ICE1: variants seen among roughly 807,000 people sequenced by gnomAD.
The protein encoded by ICE1 is little elongation complex subunit 1.
ICE1 carries 64 observed loss-of-function variants against 192.7 expected under a neutral mutation model. The ratio of observed to expected loss-of-function variants is 0.33; its 90% confidence interval spans 0.27 to 0.41. ICE1 has a LOEUF of 0.41. ICE1 is among the 10% of genes least tolerant of loss of function. ICE1 has a pLI of 1.00. For synonymous variants in ICE1, 1,010 were observed against 984.5 expected, an observed-to-expected ratio of 1.03 and a Z score of -0.49; for missense variants, 2,708 against 2,696.0, an observed-to-expected ratio of 1.00 and a Z score of -0.10.
chr5:5,464,178 A>G lies in ICE1; in HGVS notation c.4844A>G (p.Asp1615Gly), dbSNP rs1738900791. The G allele has an allele frequency of 6.2e-7, 1 of 1,613,642 alleles. No individual in the cohort carries two copies. The highest frequency in any genetic ancestry group is 8.5e-7 in the Non-Finnish European group (1 of 1,179,846). Residue 1615 changes from aspartate (D) to glycine (G), a missense_variant, in exon 13 of 19, where the codon GAT becomes GGT. Coordinates refer to ENST00000296564, the MANE Select transcript of ICE1 (RefSeq NM_015325.3). The surrounding 1 kb of genome is among the most constrained non-coding windows in gnomAD (Gnocchi z 4.0). ...AATGCTGATACATCCACTCCTACAG[A>G]TTGTTCTCCTGACACACTGAGTAAA... ...LANADTSTPT[D>G]CSPDTLSKIR... is the part of the protein sequence containing the mutation.
intron 10 of ICE1, among the ~76,000 whole-genome samples, chr5:5,448,436 G>T (rs149054639): frequency 6.6e-6 from 1 of 152,302 alleles, no homozygotes; most frequent in East Asian, 1.9e-4. Flanking sequence ...ACGTCTCATA[G>T]GTGAGAAGCA....
chr5:5,440,425 C>T (rs1397694847), intron 4 of ICE1, among the ~76,000 whole-genome samples: 2 of 152,108 alleles, frequency 1.3e-5, no homozygotes, highest in African/African-American at 4.8e-5. Context: ...TTGGAACAGC[C>T]GGATTCTCAG....
At chr5:5,425,298 TC>T (rs1737488062) in intron 1 of ICE1, among the ~76,000 whole-genome samples, 1 of 152,186 alleles carries the variant, frequency 6.6e-6, no homozygotes, top group African/African-American at 2.4e-5. Flanking sequence ...TAATCCTAGA[TC>T]CAGAGGTCTG....
intron 4 of ICE1, among the ~76,000 whole-genome samples, chr5:5,440,467 A>G (rs1014720595): frequency 6.6e-6 from 1 of 152,240 alleles, no homozygotes; most frequent in Admixed American, 6.5e-5. Flanking sequence ...ACTGTAAAGT[A>G]TTCTTCAGCA....
In ICE1 at chr5:5,465,311, T is replaced by A. The variant is rs553474560; in HGVS notation, c.5892+85T>A. 1.4e-5 allele frequency: 13 copies of A among 927,798 alleles called. No homozygotes were observed. The East Asian group carries it at 3.4e-4, about 25-fold the overall frequency. 57.5% of individuals were successfully genotyped at this position (927,798 alleles called of 1,614,324 possible). ...GTTTACTGTCAGCAAAATGTGTAGA[T>A]GACCATGAACAAAAGTTTTACTTCA... On this transcript the variant is annotated intron_variant, in intron 13 of 18. Transcript: ENST00000296564.
At chr5:5,455,770 T>C (rs1221314043) in intron 11 of ICE1, among the ~76,000 whole-genome samples, 1 of 152,176 alleles carries the variant, frequency 6.6e-6, no homozygotes, top group Non-Finnish European at 1.5e-5. Context: ...CCTTAGCAGA[T>C]TGCAGGATTT....
At chr5:5,450,776 A>G (rs904042098) in intron 10 of ICE1, among the ~76,000 whole-genome samples, 1 of 152,240 alleles carries the variant, frequency 6.6e-6, no homozygotes, top group Non-Finnish European at 1.5e-5. Context: ...AATGTTGATT[A>G]AAAGTATAGT....
At position 5,464,003 on chromosome 5, in the gene ICE1, A is replaced by G; in HGVS notation, c.4669A>G (p.Lys1557Glu). 1 of 1,613,780 alleles carries G rather than the reference A, an allele frequency of 6.2e-7. No individual in the cohort carries two copies. The highest frequency in any genetic ancestry group is 8.5e-7 in the Non-Finnish European group (1 of 1,179,840). The change falls in exon 13 of 19, where the codon AAG (lysine) becomes GAG (glutamate). Residue 1557 changes from lysine (K) to glutamate (E), a missense_variant. Physicochemically the swap from Lys to Glu is moderately conservative, Grantham distance 56. Around this residue, in one of 2 missense-constraint regions of ICE1, gnomAD observed 2,366 missense variants for 2,276.6 expected, o/e 1.04. Transcript: ENST00000296564. The surrounding 1 kb of genome is among the most constrained non-coding windows in gnomAD (Gnocchi z 4.0). ...EPSGKNKNRS[K>E]ISNKDQSNKP... ...ATCTGGCAAAAATAAGAATCGATCA[A>G]AGATTTCAAACAAAGATCAGTCAAA...
chr5:5,422,827 G>A lies in ICE1; in HGVS notation c.-89G>A. Reference sequence around the variant, plus strand: ...CTGGCGGGAAGCGGCCTGGCAGGCGGCGGCCCCGGCGGCATCAGCAGAGAC... The same window carrying A: ...CTGGCGGGAAGCGGCCTGGCAGGCGACGGCCCCGGCGGCATCAGCAGAGAC... On this transcript the variant is annotated 5_prime_UTR_variant, in exon 1 of 19. Coordinates refer to ENST00000296564, the MANE Select transcript of ICE1 (RefSeq NM_015325.3). 1 of 986,496 alleles carries A rather than the reference G, an allele frequency of 1.0e-6. No homozygotes were observed. Among genetic ancestry groups the A allele is most frequent in the Non-Finnish European group, 1.3e-6 (1 of 766,852 alleles). The allele number at this position is 986,496 out of a possible 1,614,324, so 61.1% of individuals were successfully genotyped here. A position where few individuals can be genotyped will look rare whatever the true frequency, so the allele number is the denominator to read the frequency against.
At chr5:5,476,449 C>A (rs922113185) in intron 17 of ICE1, among the ~76,000 whole-genome samples, 4 of 152,006 alleles carry the variant, frequency 2.6e-5, no homozygotes, top group African/African-American at 9.7e-5. Context: ...TATAAAACTA[C>A]CTGAGATGGG....
At chr5:5,487,270 G>C (rs559020857) in intron 18 of ICE1, among the ~76,000 whole-genome samples, 1 of 152,298 alleles carries the variant, frequency 6.6e-6, no homozygotes, top group African/African-American at 2.4e-5. Context: ...GAGACCTTGT[G>C]AGCAAGGCTT....
In ICE1 at chr5:5,444,342, G is replaced by A; in HGVS notation, c.424+16G>A. On this transcript the variant is annotated intron_variant, in intron 7 of 18. Coordinates refer to ENST00000296564, the MANE Select transcript of ICE1 (RefSeq NM_015325.3). Reference sequence around the variant, plus strand: ...AAGCTGCAAGGTAAGTGGCACTATTGTTACCTGAAGTTTTCGGTCAGTACA... The same window carrying A: ...AAGCTGCAAGGTAAGTGGCACTATTATTACCTGAAGTTTTCGGTCAGTACA... The A allele has an allele frequency of 6.4e-7, 1 of 1,554,530 alleles. No individual in the cohort carries two copies. The highest frequency in any genetic ancestry group is 1.7e-4 in the Middle Eastern group (1 of 5,976).
chr5:5,483,476 T>C (rs1279398255), intron 17 of ICE1, among the ~76,000 whole-genome samples: 1 of 152,166 alleles, frequency 6.6e-6, no homozygotes, highest in African/African-American at 2.4e-5. Flanking sequence ...ACCTTAATGA[T>C]TAACTATTAA....
chr5:5,456,893 G>A (rs560799571), intron 11 of ICE1, among the ~76,000 whole-genome samples: 49 of 152,240 alleles, frequency 3.2e-4, no homozygotes, highest in African/African-American at 1.1e-3. Context: ...AGATTTGGCC[G>A]TGGGTAGGCT....
In ICE1 at chr5:5,489,311, G is replaced by A. The variant is rs1221627167; in HGVS notation, c.6782G>A (p.Ser2261Asn). The A allele has an allele frequency of 6.2e-7, 1 of 1,610,244 alleles. No homozygotes were observed. ...TGCCTAGAGGAAGTCAGTGCCCTGA[G>A]CACAGAGGAGCTTGGCTGACCTGGG... ...VSCLEEVSAL[S>N]TEELG Residue 2261 changes from serine (S) to asparagine (N), a missense_variant, in exon 19 of 19, where the codon AGC (serine) becomes AAC (asparagine). By Grantham distance (46) the Ser-to-Asn change is conservative. This residue lies in a region of ICE1 where 342 missense variants were observed against 419.3 expected (regional missense o/e 0.82). Coordinates refer to ENST00000296564, the MANE Select transcript of ICE1 (RefSeq NM_015325.3).
At chr5:5,433,680 A>G (rs1416446226) in intron 1 of ICE1, among the ~76,000 whole-genome samples, 1 of 152,170 alleles carries the variant, frequency 6.6e-6, no homozygotes, top group African/African-American at 2.4e-5. Context: ...TAACCTGATC[A>G]TATCTGTAAA....
At chr5:5,485,462 A>G (rs1739616904) in intron 17 of ICE1, among the ~76,000 whole-genome samples, 1 of 152,210 alleles carries the variant, frequency 6.6e-6, no homozygotes, top group South Asian at 2.1e-4. Flanking sequence ...ATTCTCATAC[A>G]AATACACAGT....
Position 5,460,835 on chromosome 5 carries a change from A to G in ICE1, c.1501A>G (p.Ile501Val). 6.2e-7 allele frequency: 1 copy of G among 1,614,072 alleles called. No individual in the cohort carries two copies. Among genetic ancestry groups the G allele is most frequent in the Non-Finnish European group, 8.5e-7 (1 of 1,179,912 alleles). Residue 501 changes from isoleucine (I) to valine (V), a missense_variant, in exon 13 of 19, where the codon ATT becomes GTT. By Grantham distance (29) the Ile-to-Val change is conservative. Transcript: ENST00000296564. ...TAAGTCAGTACAAACTGAGAAGACC[A>G]TTCATAAACTCACTCGAGGTCTATG... ...MDKSVQTEKT[I>V]HKLTRGLCIE...
intron 17 of ICE1, among the ~76,000 whole-genome samples, chr5:5,477,584 C>T (rs1241705233): frequency 6.6e-6 from 1 of 152,194 alleles, no homozygotes; most frequent in Non-Finnish European, 1.5e-5. Flanking sequence ...ACCATTCCTT[C>T]TGAAGCTATT....
Sources: allele counts gnomAD v4.1 joint callset (sites outside exome capture counted in the v4.1 genomes callset), GRCh38; gene constraint gnomAD v4.1.1; regional missense constraint gnomAD v4.1.1; non-coding constraint Gnocchi (gnomAD v3.1); transcripts MANE v1.5; gene names NCBI Gene and HGNC (gene_info 2026-07-23, HGNC 2026-07-21).